VTCN1: variants seen among roughly 807,000 people sequenced by gnomAD.
VTCN1 encodes V-set domain containing T cell activation inhibitor 1.
A neutral mutation model predicts 26.5 loss-of-function variants in VTCN1; 26 were observed. That is an observed-to-expected ratio of 0.98 (90% CI 0.72 to 1.36). The LOEUF is 1.36. VTCN1 is among the 40% of genes most tolerant of loss of function. VTCN1 has a pLI of 0.00. For synonymous variants in VTCN1, 116 were observed against 130.7 expected, an observed-to-expected ratio of 0.89 and a Z score of 0.77; for missense variants, 298 against 337.7, an observed-to-expected ratio of 0.88 and a Z score of 0.92.
Position 117,171,016 on chromosome 1 carries a change from C to G in VTCN1, c.33-845G>C, listed in dbSNP as rs118125175. 3.5e-3 allele frequency among the ~76,000 whole-genome samples: 537 copies of G among 151,990 alleles called. 25 individuals are homozygous for G. In the East Asian group the frequency reaches 0.073, roughly 21 times the overall value. On this transcript the variant is annotated intron_variant, in intron 1 of 5. Transcript: ENST00000369458. Reference sequence around the variant, plus strand: ...CTCCCTCCCCTTGCCCCCAGCCCCCCTGACAGGCCCCAGTGTGTGATGTTC... The same window carrying G: ...CTCCCTCCCCTTGCCCCCAGCCCCCGTGACAGGCCCCAGTGTGTGATGTTC...
intron 1 of VTCN1, 132 bp from the exon 2 acceptor site, chr1:117,170,303 G>A: frequency 3.4e-6 from 3 of 878,930 alleles, no homozygotes; most frequent in Non-Finnish European, 5.7e-6. Flanking sequence ...TTCCACATAA[G>A]CTTGTTCCTA....
chr1:117,151,889 G>A (rs1261320616), intron 4 of VTCN1, among the ~76,000 whole-genome samples: 1 of 152,068 alleles, frequency 6.6e-6, no homozygotes, highest in Non-Finnish European at 1.5e-5. Flanking sequence ...TTTGTTTTTA[G>A]AGTAGCCACC....
intron 1 of VTCN1, among the ~76,000 whole-genome samples, chr1:117,197,641 G>A (rs530586764): frequency 6.6e-5 from 10 of 151,994 alleles, no homozygotes; most frequent in Non-Finnish European, 1.2e-4. Context: ...GGGCTCTTGC[G>A]CCCCTTTGCT....
At chr1:117,185,008 G>C (rs1302640279) in intron 1 of VTCN1, among the ~76,000 whole-genome samples, 1 of 152,152 alleles carries the variant, frequency 6.6e-6, no homozygotes, top group Non-Finnish European at 1.5e-5. Flanking sequence ...AGGAACAAAT[G>C]CTGGTACCTC....
intron 1 of VTCN1, among the ~76,000 whole-genome samples, chr1:117,202,523 G>A (rs966311273): frequency 6.6e-6 from 1 of 152,202 alleles, no homozygotes; most frequent in South Asian, 2.1e-4. Context: ...GGTGATTAGA[G>A]GCACTGACCG....
At position 117,155,103 on chromosome 1, in the gene VTCN1, T is replaced by C. The variant is rs1224463427; in HGVS notation, c.445+1471A>G. 3.3e-5 allele frequency among the ~76,000 whole-genome samples: 5 copies of C among 152,064 alleles called. No individual in the cohort carries two copies. Among genetic ancestry groups the C allele is most frequent in the Non-Finnish European group, 5.9e-5 (4 of 68,014 alleles). On this transcript the variant is annotated intron_variant, in intron 3 of 5. Transcript: ENST00000369458. This position sits in a 1 kb window ranked among gnomAD's most constrained non-coding sequence, Gnocchi z 4.8. Reference sequence around the variant, plus strand: ...CCATGACCTTGACAGTTCTGAGGAGTACTGGTTAGGTATTCTGTAGGTTGC... The same window carrying C: ...CCATGACCTTGACAGTTCTGAGGAGCACTGGTTAGGTATTCTGTAGGTTGC...
chr1:117,179,602 C>A (rs1363021694), intron 1 of VTCN1, among the ~76,000 whole-genome samples: 1 of 152,160 alleles, frequency 6.6e-6, no homozygotes, highest in Non-Finnish European at 1.5e-5. Context: ...CCTGGGTAAA[C>A]ACACAGGGGG....
rs762367712 is a variant in VTCN1 at position 117,147,784 on chromosome 1, T to G, written c.725-2A>C. 1 of 1,612,976 alleles carries G rather than the reference T, an allele frequency of 6.2e-7. No individual in the cohort carries two copies. The highest frequency in any genetic ancestry group is 2.2e-5 in the East Asian group (1 of 44,862). On this transcript the variant is annotated splice_acceptor_variant, in intron 4 of 5. Coordinates refer to ENST00000369458, the MANE Select transcript of VTCN1 (RefSeq NM_024626.4). LOFTEE classifies it high-confidence loss of function. This position sits in a 1 kb window ranked among gnomAD's most constrained non-coding sequence, Gnocchi z 4.6. Reference sequence around the variant, plus strand: ...GACTCCGCCTTTTGATCTCCGATTCTGTGAAGTGAGAGAAAAAGTTTAGGG... The same window carrying G: ...GACTCCGCCTTTTGATCTCCGATTCGGTGAAGTGAGAGAAAAAGTTTAGGG...
rs180832748 is a variant in VTCN1 at position 117,147,749 on chromosome 1, A to G, written c.758T>C (p.Leu253Pro). The G allele has an allele frequency of 1.2e-6, 2 of 1,614,056 alleles. No homozygotes were observed. Among genetic ancestry groups the G allele is most frequent in the East Asian group, 4.5e-5 (2 of 44,880 alleles). ...SEIKRRSHLQLLNSKASLCVS... is the reference protein window; with the variant it reads ...SEIKRRSHLQPLNSKASLCVS... ...ACACAGAGAAGCCTTTGAGTTTAGCAGCTGTAGGTGACTCCGCCTTTTGAT... is the reference window on the plus strand; with the variant it reads ...ACACAGAGAAGCCTTTGAGTTTAGCGGCTGTAGGTGACTCCGCCTTTTGAT... The change falls in exon 5 of 6, where the codon CTG becomes CCG. Residue 253 changes from leucine (L) to proline (P), a missense_variant. Physicochemically the swap from Leu to Pro is moderately conservative, Grantham distance 98. Transcript: ENST00000369458. This position sits in a 1 kb window ranked among gnomAD's most constrained non-coding sequence, Gnocchi z 4.6.
intron 1 of VTCN1, among the ~76,000 whole-genome samples, chr1:117,200,992 T>C (rs369252159): frequency 3.3e-5 from 5 of 152,254 alleles, no homozygotes; most frequent in African/African-American, 9.6e-5. Flanking sequence ...TGTTGCCTAA[T>C]CTGGTCTCGA....
chr1:117,154,411 G>T (rs1439733944), intron 3 of VTCN1, among the ~76,000 whole-genome samples: 1 of 152,108 alleles, frequency 6.6e-6, no homozygotes, highest in East Asian at 1.9e-4. Context: ...AAGTTGCATA[G>T]AAGGTATAGA....
At chr1:117,196,024 C>A (rs1236076250) in intron 1 of VTCN1, among the ~76,000 whole-genome samples, 1 of 152,096 alleles carries the variant, frequency 6.6e-6, no homozygotes, top group African/African-American at 2.4e-5. Context: ...TATTGGCATG[C>A]ACCCATAGTC....
At chr1:117,187,786 G>T (rs946764443) in intron 1 of VTCN1, among the ~76,000 whole-genome samples, 1 of 151,490 alleles carries the variant, frequency 6.6e-6, no homozygotes, top group Non-Finnish European at 1.5e-5. Flanking sequence ...AAAGTGAGGT[G>T]CCACATCACT....
intron 1 of VTCN1, among the ~76,000 whole-genome samples, chr1:117,174,984 G>A (rs1461830685): frequency 1.3e-5 from 2 of 152,184 alleles, no homozygotes; most frequent in African/African-American, 2.4e-5. Flanking sequence ...TTCAGAGGCT[G>A]CAGAACCCAG....
intron 1 of VTCN1, among the ~76,000 whole-genome samples, chr1:117,177,047 C>T (rs1390146927): frequency 6.6e-6 from 1 of 151,992 alleles, no homozygotes; most frequent in Non-Finnish European, 1.5e-5. Context: ...TGCTGTGAGC[C>T]GAGATCGTGC....
intron 1 of VTCN1, among the ~76,000 whole-genome samples, chr1:117,195,886 C>T (rs768842307): frequency 2.0e-5 from 3 of 152,158 alleles, no homozygotes; most frequent in Non-Finnish European, 4.4e-5. Flanking sequence ...TGCGGTGGCT[C>T]ACACCTGTAA....
At chr1:117,168,442 C>T (rs1448241097) in intron 2 of VTCN1, among the ~76,000 whole-genome samples, 1 of 152,052 alleles carries the variant, frequency 6.6e-6, no homozygotes. Context: ...ATGTGAAAGA[C>T]AAAACAATAA....
chr1:117,162,158 C>T (rs183649323), intron 2 of VTCN1, among the ~76,000 whole-genome samples: 1 of 152,186 alleles, frequency 6.6e-6, no homozygotes, highest in Non-Finnish European at 1.5e-5. Flanking sequence ...ATCCCCTCCA[C>T]CCCAATGTCA....
At position 117,210,819 on chromosome 1, in the gene VTCN1, A is replaced by T; in HGVS notation, c.32+5T>A. On this transcript the variant is annotated splice_donor_5th_base_variant and intron_variant, in intron 1 of 5. Transcript: ENST00000369458. The stretch of plus-strand genomic sequence containing the variant: ...CATAAGGATAGAGAGAAGAGTATAT[A>T]CTACCTCCAGAAGAGGATCTGCCCC... The T allele has an allele frequency of 9.3e-6, 15 of 1,614,022 alleles. No homozygotes were observed. The highest frequency in any genetic ancestry group is 1.3e-5 in the Non-Finnish European group (15 of 1,179,898).
Sources: gnomAD v4.1 joint callset for allele counts (sites outside exome capture counted in the v4.1 genomes callset) on GRCh38, gnomAD v4.1.1 for gene constraint, Gnocchi (gnomAD v3.1) non-coding constraint, MANE v1.5 for transcripts, NCBI Gene and HGNC (gene_info 2026-07-23, HGNC 2026-07-21) for gene names.